ZFYVE28: variants seen among roughly 807,000 people sequenced by gnomAD.
ZFYVE28 encodes the protein zinc finger FYVE-type containing 28.
Under a neutral mutation model 82.1 loss-of-function variants are expected in ZFYVE28, and 40 were observed. The ratio of observed to expected loss-of-function variants is 0.49; its 90% CI spans 0.38 to 0.63. The LOEUF (loss-of-function observed/expected upper bound fraction) is 0.63. ZFYVE28 is among the 30% of genes least tolerant of loss of function. The probability of loss-of-function intolerance (pLI) is 0.00; values close to 1 mark genes in which losing one functional copy is unlikely to be tolerated. For synonymous variants in ZFYVE28, 612 were observed against 546.1 expected (o/e 1.12, Z -1.68); for missense variants, 1,321 against 1,242.1 (o/e 1.06, Z -0.96).
At position 2,270,874 on chromosome 4, in the gene ZFYVE28, C is replaced by A; in HGVS notation, c.2533-18G>T. On this transcript the variant is annotated intron_variant, in intron 12 of 12. Transcript: ENST00000290974. ...CAGAAGATCTGGAATGGGGTTGGGG[C>A]AGTGAGGGTCTGCGGCAGACCAGCC... The A allele has an allele frequency of 1.2e-6, 2 of 1,611,566 alleles. No homozygotes were observed. The highest frequency in any genetic ancestry group is 1.7e-6 in the Non-Finnish European group (2 of 1,179,592).
Position 2,418,221 on chromosome 4 carries a change from G to T in ZFYVE28, c.39+64C>A, listed in dbSNP as rs970472871. On this transcript the variant is annotated intron_variant, in intron 1 of 12. Coordinates refer to ENST00000290974, the MANE Select transcript of ZFYVE28 (RefSeq NM_020972.3). This position sits in a 1 kb window ranked among gnomAD's most constrained non-coding sequence, Gnocchi z 4.6. Reference sequence around the variant, plus strand: ...GGGAGTCCGTCTTGTAGGGCGGACGGGCGGTCCTGGGGAAGGGAGAGGCCG... The same window carrying T: ...GGGAGTCCGTCTTGTAGGGCGGACGTGCGGTCCTGGGGAAGGGAGAGGCCG... The T allele has an allele frequency of 2.0e-6, 3 of 1,471,844 alleles. No homozygotes were observed. The highest frequency in any genetic ancestry group is 2.7e-6 in the Non-Finnish European group (3 of 1,101,920). 91.2% of individuals were successfully genotyped at this position (1,471,844 alleles called of 1,614,324 possible).
At chr4:2,360,469 C>T (rs779420820) in intron 1 of ZFYVE28, among the ~76,000 whole-genome samples, 1 of 151,288 alleles carries the variant, frequency 6.6e-6, no homozygotes, top group Non-Finnish European at 1.5e-5. Flanking sequence ...ATTTGAAAAG[C>T]TGAGTTAGCC....
intron 7 of ZFYVE28, among the ~76,000 whole-genome samples, chr4:2,310,324 C>T (rs1256219509): frequency 2.0e-5 from 3 of 152,112 alleles, no homozygotes; most frequent in Admixed American, 6.6e-5. Flanking sequence ...CAAGTGTGAG[C>T]CACTGTGCCC....
Position 2,320,284 on chromosome 4 carries a change from C to T in ZFYVE28, c.702-13G>A, listed in dbSNP as rs1293858268. 5.0e-6 allele frequency: 8 copies of T among 1,612,686 alleles called. No individual in the cohort carries two copies. The African/African-American group carries it at 6.7e-5, about 13-fold the overall frequency. On this transcript the variant is annotated splice_polypyrimidine_tract_variant and intron_variant, in intron 6 of 12. Transcript: ENST00000290974. The surrounding 1 kb of genome is among the most constrained non-coding windows in gnomAD (Gnocchi z 5.1). ...GACCACGAGGCCACTGCATTTGAGA[C>T]ACAAAAGCCAGGATGTCAGGCCCTG...
intron 8 of ZFYVE28, among the ~76,000 whole-genome samples, chr4:2,301,290 G>T (rs748717329): frequency 1.1e-4 from 16 of 152,328 alleles, no homozygotes; most frequent in Non-Finnish European, 1.8e-4. Context: ...CACACCGCCT[G>T]TGCCTTGGAT....
rs1291036324 is a variant in ZFYVE28 at position 2,330,347 on chromosome 4, T to A, written c.701+5358A>T. ...GGTGGGAGAGGGCTTGGGTGAGCGG[T>A]GCAGTGGTGGGGACATCGCAGAGGG... On this transcript the variant is annotated intron_variant, in intron 6 of 12. Coordinates refer to ENST00000290974, the MANE Select transcript of ZFYVE28 (RefSeq NM_020972.3). 6.0e-6 allele frequency: 6 copies of A among 995,112 alleles called. No individual in the cohort carries two copies. The East Asian group carries it at 6.7e-4, about 111-fold the overall frequency. 61.6% of individuals were successfully genotyped at this position (995,112 alleles called of 1,614,324 possible).
chr4:2,391,129 G>T (rs941296593), intron 1 of ZFYVE28, among the ~76,000 whole-genome samples: 1 of 152,230 alleles, frequency 6.6e-6, no homozygotes, highest in Non-Finnish European at 1.5e-5. Context: ...GGCCGTGCCC[G>T]CCGCAGCCCT....
At chr4:2,322,333 C>T (rs1055960849) in intron 6 of ZFYVE28, among the ~76,000 whole-genome samples, 8 of 152,208 alleles carry the variant, frequency 5.3e-5, no homozygotes, top group African/African-American at 1.7e-4. Context: ...TTGCCAGAAA[C>T]GGTGGGTCCA....
intron 1 of ZFYVE28, among the ~76,000 whole-genome samples, chr4:2,415,886 C>A (rs1169999612): frequency 6.6e-6 from 1 of 152,234 alleles, no homozygotes; most frequent in Admixed American, 6.5e-5. Context: ...AGCCCAAGTT[C>A]AGACTGCCCA....
In ZFYVE28 at chr4:2,341,149, G is replaced by A. The variant is rs1722731945; in HGVS notation, c.318+329C>T. Among the ~76,000 whole-genome samples, 1 of 152,158 alleles carries A rather than the reference G, an allele frequency of 6.6e-6. No individual in the cohort carries two copies. On this transcript the variant is annotated intron_variant, in intron 3 of 12. Coordinates refer to ENST00000290974, the MANE Select transcript of ZFYVE28 (RefSeq NM_020972.3). The surrounding 1 kb of genome is among the most constrained non-coding windows in gnomAD (Gnocchi z 4.5). ...GCTGCCCATGCTGCAGGGCCGGAGG[G>A]GAACACTTGTTCCTGATGTGGGCAT...
intron 2 of ZFYVE28, among the ~76,000 whole-genome samples, chr4:2,352,333 G>T (rs2108880595): frequency 6.6e-6 from 1 of 152,162 alleles, no homozygotes; most frequent in South Asian, 2.1e-4. Context: ...CATGTCGGGG[G>T]GTGGACAGGA....
chr4:2,298,904 CA>C (rs1177273077), intron 8 of ZFYVE28, among the ~76,000 whole-genome samples: 1 of 152,106 alleles, frequency 6.6e-6, no homozygotes, highest in East Asian at 1.9e-4. Flanking sequence ...GGATTGATGG[CA>C]AAAAACAAAA....
At chr4:2,403,841 C>T (rs534254179) in intron 1 of ZFYVE28, among the ~76,000 whole-genome samples, 47 of 152,082 alleles carry the variant, frequency 3.1e-4, no homozygotes, top group African/African-American at 1.1e-3. Context: ...TGGTGGTGCA[C>T]ATCTGTGGTC....
chr4:2,341,894 C>A lies in ZFYVE28; in HGVS notation c.181-279G>T, dbSNP rs983538231. Among the ~76,000 whole-genome samples, 1 of 152,202 alleles carries A rather than the reference C, an allele frequency of 6.6e-6. No homozygotes were observed. Among genetic ancestry groups the A allele is most frequent in the Non-Finnish European group, 1.5e-5 (1 of 68,038 alleles). The stretch of plus-strand genomic sequence containing the variant: ...AATTAGCCGGGCGTGGTAGCGCACA[C>A]CTGTAATCCCAGCTATTAGGGAGGC... On this transcript the variant is annotated intron_variant, in intron 2 of 12. Transcript: ENST00000290974. The surrounding 1 kb of genome is among the most constrained non-coding windows in gnomAD (Gnocchi z 4.5).
intron 1 of ZFYVE28, among the ~76,000 whole-genome samples, chr4:2,381,400 A>G (rs925729365): frequency 1.3e-5 from 2 of 152,104 alleles, no homozygotes; most frequent in African/African-American, 4.8e-5. Context: ...GCAGCCTGAC[A>G]GTTTTTGTTG....
chr4:2,377,000 G>A (rs1452901692), intron 1 of ZFYVE28, among the ~76,000 whole-genome samples: 2 of 151,966 alleles, frequency 1.3e-5, no homozygotes, highest in African/African-American at 2.4e-5. Flanking sequence ...TATTTCTATT[G>A]GACAGCACTG....
At chr4:2,355,725 A>C (rs764936037) in intron 1 of ZFYVE28, among the ~76,000 whole-genome samples, 3 of 152,108 alleles carry the variant, frequency 2.0e-5, no homozygotes, top group Non-Finnish European at 4.4e-5. Flanking sequence ...CTATAGGCAC[A>C]CATCACTATA....
chr4:2,293,236 C>A (rs191847443), intron 8 of ZFYVE28, among the ~76,000 whole-genome samples: 79 of 152,228 alleles, frequency 5.2e-4, no homozygotes, highest in African/African-American at 1.8e-3. Flanking sequence ...GGGAATAAGG[C>A]AGAATCATCC....
At position 2,335,637 on chromosome 4, in the gene ZFYVE28, A is replaced by T; in HGVS notation, c.701+68T>A. 4 of 1,459,116 alleles carry T rather than the reference A, an allele frequency of 2.7e-6. No individual in the cohort carries two copies. In the South Asian group the frequency reaches 4.9e-5, roughly 18 times the overall value. The allele number at this position is 1,459,116 out of a possible 1,614,324, so 90.4% of individuals were successfully genotyped here. A position where few individuals can be genotyped will look rare whatever the true frequency, so the allele number is the denominator to read the frequency against. On this transcript the variant is annotated intron_variant, in intron 6 of 12. Transcript: ENST00000290974. The surrounding 1 kb of genome is among the most constrained non-coding windows in gnomAD (Gnocchi z 5.8). ...CGCCATGGACCGGCACCCGCACGGG[A>T]CCTGGCACCATCAGCCCTGCCCGTC...
Sources: gnomAD v4.1 joint callset for allele counts (sites outside exome capture counted in the v4.1 genomes callset) on GRCh38, gnomAD v4.1.1 for gene constraint, Gnocchi (gnomAD v3.1) non-coding constraint, MANE v1.5 for transcripts, NCBI Gene and HGNC (gene_info 2026-07-23, HGNC 2026-07-21) for gene names.